The following OSBPL6 variants were observed in gnomAD, a reference collection of about 807,000 sequenced individuals.
The protein encoded by OSBPL6 is oxysterol binding protein like 6, also known as oxysterol-binding protein-related protein 6.
In OSBPL6, 49 loss-of-function variants were observed where a neutral mutation model predicts 125.8. That is an observed-to-expected ratio of 0.39 (90% CI 0.31 to 0.49). The LOEUF (loss-of-function observed/expected upper bound fraction) is 0.49. OSBPL6 is among the 20% of genes least tolerant of loss of function. The pLI is 0.88. For synonymous variants in OSBPL6, 394 were observed against 391.8 expected (o/e 1.01, Z -0.07); for missense variants, 986 against 1,135.4 (o/e 0.87, Z 1.89).
chr2:178,318,576 C>T (rs1687967912), intron 3 of OSBPL6, among the ~76,000 whole-genome samples: 1 of 152,212 alleles, frequency 6.6e-6, no homozygotes, highest in African/African-American at 2.4e-5. Flanking sequence ...AATCCACATG[C>T]ATCTTCTGCT....
chr2:178,213,030 A>G (rs2153957824), intron 1 of OSBPL6, among the ~76,000 whole-genome samples: 1 of 152,070 alleles, frequency 6.6e-6, no homozygotes, highest in African/African-American at 2.4e-5. Context: ...GCTGGTCTCG[A>G]ACTCCTGGCC....
intron 1 of OSBPL6, among the ~76,000 whole-genome samples, chr2:178,210,770 C>G (rs1438669030): frequency 6.6e-6 from 1 of 151,622 alleles, no homozygotes. Context: ...CCAGATTGCC[C>G]CACTGCACTC....
rs1695913916 is a variant in OSBPL6 at position 178,397,387 on chromosome 2, A to G, written c.*1828A>G. On this transcript the variant is annotated 3_prime_UTR_variant, in exon 25 of 25. Transcript: ENST00000190611. ...TTCCTCTCATTCCCATTTTAAATCC[A>G]TAGGTGGCTTGCCCTGCGGCAGTAA... The G allele has an allele frequency of 6.6e-6, 1 of 152,174 alleles. No homozygotes were observed. Among genetic ancestry groups the G allele is most frequent in the South Asian group, 2.1e-4 (1 of 4,832 alleles). 9.4% of individuals were successfully genotyped at this position (152,174 alleles called of 1,614,324 possible). A position where few individuals can be genotyped will look rare whatever the true frequency, so the allele number is the denominator to read the frequency against.
At chr2:178,272,517 T>C (rs1438066906) in intron 1 of OSBPL6, among the ~76,000 whole-genome samples, 2 of 152,182 alleles carry the variant, frequency 1.3e-5, no homozygotes, top group African/African-American at 4.8e-5. Flanking sequence ...ATTTATCTAA[T>C]TTGGAAGTAT....
At chr2:178,351,924 A>G (rs1559281663) in intron 12 of OSBPL6, among the ~76,000 whole-genome samples, 1 of 152,236 alleles carries the variant, frequency 6.6e-6, no homozygotes, top group East Asian at 1.9e-4. Context: ...AATAATCTGT[A>G]CAATGAACCT....
chr2:178,216,460 A>T (rs1233478814), intron 1 of OSBPL6, among the ~76,000 whole-genome samples: 4 of 152,230 alleles, frequency 2.6e-5, no homozygotes, highest in African/African-American at 9.6e-5. Flanking sequence ...ATGAAATAGG[A>T]TTCAATGAGT....
At chr2:178,288,033 G>A (rs1684876620) in intron 2 of OSBPL6, among the ~76,000 whole-genome samples, 1 of 151,940 alleles carries the variant, frequency 6.6e-6, no homozygotes, top group Non-Finnish European at 1.5e-5. Flanking sequence ...TGGAAGAGGA[G>A]AAAGAGTATT....
At chr2:178,230,806 C>G (rs773994945) in intron 1 of OSBPL6, among the ~76,000 whole-genome samples, 1 of 152,112 alleles carries the variant, frequency 6.6e-6, no homozygotes, top group Admixed American at 6.5e-5. Context: ...TTCCCTATAC[C>G]TTATAGCACA....
intron 3 of OSBPL6, among the ~76,000 whole-genome samples, chr2:178,311,161 A>G (rs1367247100): frequency 1.3e-5 from 2 of 152,182 alleles, no homozygotes; most frequent in Admixed American, 1.3e-4. Context: ...CTCTGAGCGC[A>G]TACCATGTTC....
At chr2:178,241,679 G>A (rs1029964936) in intron 1 of OSBPL6, among the ~76,000 whole-genome samples, 13 of 152,148 alleles carry the variant, frequency 8.5e-5, no homozygotes, top group Non-Finnish European at 1.6e-4. Flanking sequence ...GCCTCCCAAC[G>A]TGCTAGGATT....
At chr2:178,271,819 T>G (rs1242378559) in intron 1 of OSBPL6, among the ~76,000 whole-genome samples, 3 of 152,206 alleles carry the variant, frequency 2.0e-5, no homozygotes, top group Non-Finnish European at 4.4e-5. Context: ...CAATAGATAC[T>G]AGAAATGTGA....
chr2:178,250,277 G>A (rs2091646053), intron 1 of OSBPL6, among the ~76,000 whole-genome samples: 1 of 152,014 alleles, frequency 6.6e-6, no homozygotes, highest in South Asian at 2.1e-4. Flanking sequence ...GATATTTTTG[G>A]TACCTCCTTC....
chr2:178,387,863 G>A (rs1037444353), intron 20 of OSBPL6, among the ~76,000 whole-genome samples: 1 of 152,118 alleles, frequency 6.6e-6, no homozygotes, highest in Non-Finnish European at 1.5e-5. Context: ...AATTAGCTGG[G>A]TGTGGTGGCG....
intron 1 of OSBPL6, among the ~76,000 whole-genome samples, chr2:178,241,241 G>A (rs1241554737): frequency 2.0e-5 from 3 of 151,570 alleles, no homozygotes; most frequent in Non-Finnish European, 4.4e-5. Flanking sequence ...AGCTTCCCGA[G>A]TAGCTGGGAC....
chr2:178,343,491 C>T (rs1690409872), intron 11 of OSBPL6, among the ~76,000 whole-genome samples: 1 of 152,112 alleles, frequency 6.6e-6, no homozygotes, highest in African/African-American at 2.4e-5. Flanking sequence ...CCCTTAATCC[C>T]ATCCACCAAG....
chr2:178,389,188 G>A (rs750519511), intron 21 of OSBPL6, 35 bp downstream of exon 21: 2 of 1,596,170 alleles, frequency 1.3e-6, no homozygotes, highest in Non-Finnish European at 1.7e-6. Context: ...AGGAAAATGA[G>A]TATAAAATGC....
At chr2:178,280,928 T>C (rs1684099108) in intron 1 of OSBPL6, among the ~76,000 whole-genome samples, 1 of 152,182 alleles carries the variant, frequency 6.6e-6, no homozygotes, top group South Asian at 2.1e-4. Context: ...TTTGCTCTGG[T>C]AGTTTCTTTT....
intron 1 of OSBPL6, among the ~76,000 whole-genome samples, chr2:178,245,033 A>G (rs910340206): frequency 6.6e-6 from 1 of 152,192 alleles, no homozygotes; most frequent in Non-Finnish European, 1.5e-5. Flanking sequence ...GGTAATAAGG[A>G]TGCAAATGTA....
At chr2:178,232,731 A>G (rs1446173622) in intron 1 of OSBPL6, among the ~76,000 whole-genome samples, 1 of 150,142 alleles carries the variant, frequency 6.7e-6, no homozygotes, top group Non-Finnish European at 1.5e-5. Context: ...TTTTCTTATT[A>G]CCAGAATATT....
Sources: allele counts gnomAD v4.1 joint callset (sites outside exome capture counted in the v4.1 genomes callset), GRCh38; gene constraint gnomAD v4.1.1; transcripts MANE v1.5; gene names NCBI Gene and HGNC (gene_info 2026-07-23, HGNC 2026-07-21).